The following DSG4 variants were observed in gnomAD, a reference collection of about 807,000 sequenced individuals.
DSG4 encodes the protein desmoglein-4.
Under a neutral mutation model 93.1 loss-of-function variants are expected in DSG4, and 87 were observed. The observed-to-expected ratio is 0.93, with a 90% CI of 0.79 to 1.12. DSG4 has a LOEUF of 1.12. DSG4 is among the 50% of genes most tolerant of loss of function. DSG4 has a pLI of 0.00. For missense variants in DSG4, 1,373 were observed against 1,285.7 expected, an observed-to-expected ratio of 1.07 and a Z score of -1.04; for synonymous variants, 432 against 452.9, an observed-to-expected ratio of 0.95 and a Z score of 0.59.
At chr18:31,397,733 T>C (rs1280332399) in intron 8 of DSG4, among the ~76,000 whole-genome samples, 1 of 152,026 alleles carries the variant, frequency 6.6e-6, no homozygotes, top group Non-Finnish European at 1.5e-5. Context: ...TCTATCAGAA[T>C]AGAGGTTATC....
At chr18:31,381,507 A>G (rs527550371) in intron 1 of DSG4, among the ~76,000 whole-genome samples, 48 of 152,038 alleles carry the variant, frequency 3.2e-4, no homozygotes, top group Non-Finnish European at 5.4e-4. Flanking sequence ...CCAATGACCA[A>G]CCCTATACAT....
At position 31,414,876 on chromosome 18, in the gene DSG4, CTT is replaced by C. The variant is rs2072538956; in HGVS notation, c.*1282_*1283del. On this transcript the variant is annotated 3_prime_UTR_variant, in exon 16 of 16. Transcript: ENST00000308128. Reference sequence around the variant, plus strand: ...ACTGAGATAATGTAAATGAAATAAACTTATTTTCAAGGCTTAATCCTTTTGAA... The same window carrying C: ...ACTGAGATAATGTAAATGAAATAAACATTTTCAAGGCTTAATCCTTTTGAA... The C allele has an allele frequency of 6.6e-6, 1 of 151,238 alleles. No homozygotes were observed. The highest frequency in any genetic ancestry group is 1.9e-4 in the East Asian group (1 of 5,134). 9.4% of individuals were successfully genotyped at this position (151,238 alleles called of 1,614,324 possible). A position where few individuals can be genotyped will look rare whatever the true frequency, so the allele number is the denominator to read the frequency against.
In DSG4 at chr18:31,412,995, G is replaced by A. The variant is rs151048983; in HGVS notation, c.2523G>A (p.Arg841=). ...TGGAAACTTTAGATCCAAAATTTAGGACTCTTGCTGAGATCTGCTTAAACA... is the reference window on the plus strand; with the variant it reads ...TGGAAACTTTAGATCCAAAATTTAGAACTCTTGCTGAGATCTGCTTAAACA... ...SCMETLDPKF[R]TLAEICLNTE... The change falls in exon 16 of 16, where the codon AGG becomes AGA. Residue 841 remains arginine, a synonymous_variant. Coordinates refer to ENST00000308128, the MANE Select transcript of DSG4 (RefSeq NM_177986.5). 1,043 of 1,613,980 alleles carry A rather than the reference G, an allele frequency of 6.5e-4. No individual in the cohort carries two copies. Among genetic ancestry groups the A allele is most frequent in the Non-Finnish European group, 8.2e-4 (967 of 1,180,020 alleles).
intron 8 of DSG4, among the ~76,000 whole-genome samples, chr18:31,398,241 C>G (rs2072326656): frequency 6.6e-6 from 1 of 152,118 alleles, no homozygotes; most frequent in Non-Finnish European, 1.5e-5. Flanking sequence ...TTATGTGGAT[C>G]TGTAAACAGA....
In DSG4 at chr18:31,382,782, C is replaced by A. The variant is rs181416235; in HGVS notation, c.49-2354C>A. 2.2e-4 allele frequency among the ~76,000 whole-genome samples: 34 copies of A among 152,242 alleles called. 1 individual carries two copies. In the South Asian group the frequency reaches 5.6e-3, roughly 25 times the overall value. On this transcript the variant is annotated intron_variant, in intron 1 of 15. Transcript: ENST00000308128. ...AAATACCACAAATATACTATGGAAG[C>A]CTCCATCAGCACAGCATAGGTTCTG...
At chr18:31,377,149 G>C (rs897570964) in intron 1 of DSG4, among the ~76,000 whole-genome samples, 190 bp downstream of exon 1, 1 of 152,066 alleles carries the variant, frequency 6.6e-6, no homozygotes, top group Non-Finnish European at 1.5e-5. Flanking sequence ...ATAGAGAAGC[G>C]GGGTGAGAAT....
Position 31,411,298 on chromosome 18 carries a change from C to G in DSG4, c.2205C>G (p.Asn735Lys), listed in dbSNP as rs778905250. ...VEGGVSGVEL[N>K]TGMGTAVGLM... ...GAGGTGTATCGGGAGTGGAGCTCAA[C>G]ACAGGTATGGGGACAGCCGTTGGCC... The change falls in exon 15 of 16, where the codon AAC (asparagine) becomes AAG (lysine). Residue 735 changes from asparagine to lysine, a missense_variant. Transcript: ENST00000308128. The G allele has an allele frequency of 6.2e-7, 1 of 1,612,726 alleles. No homozygotes were observed. Among genetic ancestry groups the G allele is most frequent in the South Asian group, 1.1e-5 (1 of 91,084 alleles).
At chr18:31,398,026 CAAAAAAAAAA>C (rs58572396) in intron 8 of DSG4, among the ~76,000 whole-genome samples, 1 of 80,810 alleles carries the variant, frequency 1.2e-5, no homozygotes, top group South Asian at 4.4e-4. Context: ...GACCCTGTCT[CAAAAAAAAAA>C]AAAAAAAAAA....
At position 31,409,381 on chromosome 18, in the gene DSG4, G is replaced by C. The variant is rs186436953; in HGVS notation, c.1934-71G>C. The C allele has an allele frequency of 1.4e-5, 23 of 1,609,884 alleles. No homozygotes were observed. The African/African-American group carries it at 2.5e-4, about 18-fold the overall frequency. On this transcript the variant is annotated intron_variant, in intron 12 of 15. Transcript: ENST00000308128. ...ATATACTGCCACCAAATGCTCCCCA[G>C]AATGATTCATCCAGTGACTTCCTAA...
chr18:31,410,900 G>C (rs1391795521), intron 14 of DSG4, among the ~76,000 whole-genome samples: 1 of 152,162 alleles, frequency 6.6e-6, no homozygotes, highest in South Asian at 2.1e-4. Context: ...GAGGGCTCCC[G>C]GCTGGATCAA....
chr18:31,412,753 C>CTGAGG, intron 15 of DSG4, 75 bp from the exon 16 acceptor site: 1 of 1,505,630 alleles, frequency 6.6e-7, no homozygotes, highest in Non-Finnish European at 9.1e-7. Context: ...AGAAGTCTCT[C>CTGAGG]TGAGGGATTG....
intron 12 of DSG4, among the ~76,000 whole-genome samples, chr18:31,408,239 A>G (rs191010362): frequency 2.0e-4 from 30 of 152,360 alleles, no homozygotes; most frequent in African/African-American, 7.0e-4. Flanking sequence ...GATTACACAT[A>G]CAGTAATTGT....
chr18:31,402,726 G>T (rs184890414), intron 10 of DSG4, among the ~76,000 whole-genome samples: 4 of 152,144 alleles, frequency 2.6e-5, no homozygotes, highest in East Asian at 1.9e-4. Flanking sequence ...TTCCGTATTC[G>T]CTGTAACAGA....
At chr18:31,402,929 T>A (rs996656336) in intron 10 of DSG4, among the ~76,000 whole-genome samples, 1 of 152,128 alleles carries the variant, frequency 6.6e-6, no homozygotes, top group Non-Finnish European at 1.5e-5. Flanking sequence ...AAATAAACAG[T>A]GAGCACACAA....
At chr18:31,401,868 A>G (rs1023096424) in intron 10 of DSG4, among the ~76,000 whole-genome samples, 2 of 152,218 alleles carry the variant, frequency 1.3e-5, no homozygotes, top group African/African-American at 2.4e-5. Context: ...AAGAAGCAGC[A>G]TAAAATTCAA....
chr18:31,406,094 ACGG>A lies in DSG4; in HGVS notation c.1656_1658del (p.Ala553del), dbSNP rs765621864. On this transcript the variant is annotated inframe_deletion, in exon 12 of 16. Coordinates refer to ENST00000308128, the MANE Select transcript of DSG4 (RefSeq NM_177986.5). ...CATTTCAGCTACCTCGGCAATCCTT[ACGG>A]CTAAGCAGGTTTTATCTCCAGGATT... 3.5e-5 allele frequency: 57 copies of A among 1,613,920 alleles called. No homozygotes were observed. Among genetic ancestry groups the A allele is most frequent in the Non-Finnish European group, 4.6e-5 (54 of 1,180,026 alleles).
chr18:31,385,880 AC>A (rs1426369894), intron 2 of DSG4, among the ~76,000 whole-genome samples: 1 of 152,088 alleles, frequency 6.6e-6, no homozygotes. Flanking sequence ...ACTTATAATC[AC>A]CTGTGTTTCA....
chr18:31,392,352 G>A lies in DSG4; in HGVS notation c.1005+12G>A. ...TGAAAGTTGTCAAGGTACAGTATAA[G>A]GATCTGCAATATTTTCTTCCAAAAT... is the stretch of plus-strand genomic sequence containing the variant. On this transcript the variant is annotated intron_variant, in intron 8 of 15. Transcript: ENST00000308128. 2.0e-5 allele frequency: 32 copies of A among 1,612,848 alleles called. No homozygotes were observed. Among genetic ancestry groups the A allele is most frequent in the Non-Finnish European group, 2.7e-5 (32 of 1,179,312 alleles).
chr18:31,411,802 T>C (rs1309536150), intron 15 of DSG4, among the ~76,000 whole-genome samples: 1 of 152,152 alleles, frequency 6.6e-6, no homozygotes, highest in Non-Finnish European at 1.5e-5. Flanking sequence ...GGTGCATTTA[T>C]GACCTCTGTT....
Sources: gnomAD v4.1 joint callset for allele counts (sites outside exome capture counted in the v4.1 genomes callset) on GRCh38, gnomAD v4.1.1 for gene constraint, MANE v1.5 for transcripts, NCBI Gene and HGNC (gene_info 2026-07-23, HGNC 2026-07-21) for gene names.